Variants in CNTNAP5 observed in about 807,000 individuals in gnomAD.
The protein encoded by CNTNAP5 is contactin associated protein family member 5.
Under a neutral mutation model 150.2 loss-of-function variants are expected in CNTNAP5, and 72 were observed. The observed-to-expected ratio is 0.48, with a 90% CI of 0.40 to 0.58. The LOEUF (loss-of-function observed/expected upper bound fraction) is 0.58, where lower values mean the gene tolerates loss of function less well. Ranked by LOEUF, CNTNAP5 falls within the 20% of genes least tolerant of loss-of-function variation. The pLI is 0.00. For missense variants in CNTNAP5, 1,636 were observed against 1,626.2 expected (o/e 1.01, Z -0.10); for synonymous variants, 672 against 619.8 (o/e 1.08, Z -1.25).
chr2:124,598,842 T>G (rs934535387), intron 11 of CNTNAP5, among the ~76,000 whole-genome samples: 2 of 152,022 alleles, frequency 1.3e-5, no homozygotes, highest in Non-Finnish European at 2.9e-5. Context: ...GATATAGTCT[T>G]GTGGTGCGCC....
rs1207108942 is a variant in CNTNAP5, at chr2:124,786,352, G to GAAGAAAGAAAGA, written c.2753-3512_2753-3501dup. ...AAGAAAGAGAAAGAAAGAAAGAAAG[G>GAAGAAAGAAAGA]AAGAAAGAAAGAAAGAAAGAAAGAA... On this transcript the variant is annotated intron_variant, in intron 17 of 23. Coordinates refer to ENST00000682447, the MANE Select transcript of CNTNAP5 (RefSeq NM_001367498.1). Among the ~76,000 whole-genome samples, 292 of 59,170 alleles carry GAAGAAAGAAAGA rather than the reference G, an allele frequency of 4.9e-3. 8 individuals are homozygous for GAAGAAAGAAAGA. The highest frequency in any genetic ancestry group is 0.012 in the East Asian group (20 of 1,724). 38.8% of individuals were successfully genotyped at this position (59,170 alleles called of 152,430 possible).
chr2:124,526,231 T>C (rs1447117624), intron 9 of CNTNAP5, among the ~76,000 whole-genome samples: 2 of 152,182 alleles, frequency 1.3e-5, no homozygotes, highest in Non-Finnish European at 2.9e-5. Context: ...GAACAGTGTT[T>C]AAACAAATGC....
chr2:124,352,440 G>A (rs1689893263), intron 3 of CNTNAP5, among the ~76,000 whole-genome samples: 1 of 152,158 alleles, frequency 6.6e-6, no homozygotes, highest in Admixed American at 6.5e-5. Flanking sequence ...GAAGGTGAGT[G>A]TTGGGCCATC....
intron 3 of CNTNAP5, among the ~76,000 whole-genome samples, chr2:124,275,253 T>C (rs891749561): frequency 7.9e-5 from 12 of 152,116 alleles, no homozygotes; most frequent in African/African-American, 2.4e-4. Flanking sequence ...GGACAGACCA[T>C]ATCAGGGAAT....
At chr2:124,035,507 A>G (rs1321045869) in intron 1 of CNTNAP5, among the ~76,000 whole-genome samples, 2 of 152,082 alleles carry the variant, frequency 1.3e-5, no homozygotes, top group South Asian at 2.1e-4. Flanking sequence ...TTTATGGCAT[A>G]AGTTAATGCT....
chr2:124,348,102 C>G (rs1424493091), intron 3 of CNTNAP5, among the ~76,000 whole-genome samples: 5 of 152,020 alleles, frequency 3.3e-5, no homozygotes, highest in African/African-American at 4.8e-5. Flanking sequence ...ATAATTTTTA[C>G]CCACAATAGT....
At chr2:124,628,237 A>C (rs1355693573) in intron 12 of CNTNAP5, among the ~76,000 whole-genome samples, 1 of 151,872 alleles carries the variant, frequency 6.6e-6, no homozygotes, top group Admixed American at 6.6e-5. Flanking sequence ...TAATCTATGA[A>C]AAGATCTACC....
At chr2:124,580,411 G>T (rs1696384587) in intron 11 of CNTNAP5, among the ~76,000 whole-genome samples, 1 of 152,172 alleles carries the variant, frequency 6.6e-6, no homozygotes, top group Admixed American at 6.5e-5. Flanking sequence ...TTCAAATAAG[G>T]CAGATGCCAA....
intron 3 of CNTNAP5, among the ~76,000 whole-genome samples, chr2:124,311,811 C>T (rs1225439278): frequency 2.0e-5 from 3 of 152,050 alleles, no homozygotes; most frequent in African/African-American, 7.2e-5. Context: ...TCTGGTTTGC[C>T]CAAATTAGTA....
intron 5 of CNTNAP5, among the ~76,000 whole-genome samples, chr2:124,445,585 C>T (rs1047557192): frequency 6.6e-6 from 1 of 152,136 alleles, no homozygotes; most frequent in African/African-American, 2.4e-5. Context: ...GCTTCTAACC[C>T]TATATGAAGC....
At chr2:124,840,074 GA>G (rs540600512) in intron 19 of CNTNAP5, among the ~76,000 whole-genome samples, 130 of 152,190 alleles carry the variant, frequency 8.5e-4, no homozygotes, top group African/African-American at 2.8e-3. Context: ...AGGAAGTGAG[GA>G]GGGGGAATAA....
chr2:124,484,366 T>TGCCTTC (rs1357739957), intron 7 of CNTNAP5, among the ~76,000 whole-genome samples: 1 of 152,208 alleles, frequency 6.6e-6, no homozygotes, highest in Non-Finnish European at 1.5e-5. Flanking sequence ...TCAGGAAATA[T>TGCCTTC]ATATGGATGA....
At chr2:124,486,480 T>C (rs939172524) in intron 7 of CNTNAP5, among the ~76,000 whole-genome samples, 2 of 152,148 alleles carry the variant, frequency 1.3e-5, no homozygotes, top group African/African-American at 4.8e-5. Context: ...AAAAACAAAA[T>C]GCAGGGCAAA....
chr2:124,168,032 A>G (rs1684846886), intron 1 of CNTNAP5, among the ~76,000 whole-genome samples: 1 of 152,196 alleles, frequency 6.6e-6, no homozygotes, highest in African/African-American at 2.4e-5. Context: ...TCCTTACTAT[A>G]AAAGAGGAAG....
At chr2:124,407,820 TTG>T (rs1558887092) in intron 3 of CNTNAP5, among the ~76,000 whole-genome samples, 2 of 152,116 alleles carry the variant, frequency 1.3e-5, no homozygotes, top group African/African-American at 4.8e-5. Context: ...TTGAAGACAA[TTG>T]TGTTTCTCTT....
At chr2:124,436,682 G>A (rs1003298666) in intron 5 of CNTNAP5, among the ~76,000 whole-genome samples, 4 of 152,138 alleles carry the variant, frequency 2.6e-5, no homozygotes, top group Admixed American at 2.6e-4. Context: ...CCTACTCCTT[G>A]CTATGTTACA....
At chr2:124,748,399 AT>A (rs1305174640) in intron 14 of CNTNAP5, among the ~76,000 whole-genome samples, 1 of 152,062 alleles carries the variant, frequency 6.6e-6, no homozygotes, top group Non-Finnish European at 1.5e-5. Flanking sequence ...TGCCCATTAC[AT>A]TTACTCTTCT....
At chr2:124,367,191 A>T (rs1690397047) in intron 3 of CNTNAP5, among the ~76,000 whole-genome samples, 1 of 152,192 alleles carries the variant, frequency 6.6e-6, no homozygotes, top group East Asian at 1.9e-4. Flanking sequence ...GAAATGGTAA[A>T]AACAGAGAGA....
At chr2:124,888,078 T>C (rs891219600) in intron 21 of CNTNAP5, among the ~76,000 whole-genome samples, 2 of 152,160 alleles carry the variant, frequency 1.3e-5, no homozygotes, top group African/African-American at 4.8e-5. Flanking sequence ...GTATTGAGTA[T>C]AGTATTCAAC....
Sources: allele counts gnomAD v4.1 joint callset (sites outside exome capture counted in the v4.1 genomes callset), GRCh38; gene constraint gnomAD v4.1.1; transcripts MANE v1.5; gene names NCBI Gene and HGNC (gene_info 2026-07-23, HGNC 2026-07-21).